DENND5B: variants seen among roughly 807,000 people sequenced by gnomAD.
The protein encoded by DENND5B is DENN domain-containing protein 5B.
Under a neutral mutation model 140.6 loss-of-function variants are expected in DENND5B, and 34 were observed. The observed-to-expected ratio is 0.24, with a 90% CI of 0.18 to 0.32. The LOEUF (loss-of-function observed/expected upper bound fraction) is 0.32. Among genes scored for constraint, DENND5B ranks in the 10% least tolerant of loss-of-function variants. The pLI is 1.00. For missense variants in DENND5B, 1,142 were observed against 1,560.2 expected, an observed-to-expected ratio of 0.73 and a Z score of 4.52; for synonymous variants, 551 against 562.1, an observed-to-expected ratio of 0.98 and a Z score of 0.28.
chr12:31,406,840 C>G (rs1485990780), intron 14 of DENND5B, among the ~76,000 whole-genome samples: 2 of 152,288 alleles, frequency 1.3e-5, no homozygotes, highest in East Asian at 3.9e-4. Context: ...CAACCTGTCA[C>G]CCAGGCTGGA....
At chr12:31,516,477 C>CA (rs58069719) in intron 1 of DENND5B, among the ~76,000 whole-genome samples, 1,840 of 68,274 alleles carry the variant, frequency 0.027, 44 homozygotes, top group African/African-American at 0.059. Context: ...GACCCTGTCT[C>CA]AAAAAAAAAA....
chr12:31,428,941 C>A (rs1467608750), intron 8 of DENND5B, among the ~76,000 whole-genome samples: 2 of 152,146 alleles, frequency 1.3e-5, no homozygotes, highest in African/African-American at 4.8e-5. Flanking sequence ...CTGTGTTAGC[C>A]AGGATGGTCT....
intron 1 of DENND5B, among the ~76,000 whole-genome samples, chr12:31,498,124 T>C (rs1174711407): frequency 6.6e-6 from 1 of 152,178 alleles, no homozygotes; most frequent in African/African-American, 2.4e-5. Flanking sequence ...AACTTCATGA[T>C]AGCCATCAAG....
At chr12:31,390,871 A>G (rs980941661) in intron 19 of DENND5B, among the ~76,000 whole-genome samples, 2 of 151,104 alleles carry the variant, frequency 1.3e-5, no homozygotes, top group African/African-American at 4.9e-5. Flanking sequence ...AAAAATACAA[A>G]AATTAGGGGT....
chr12:31,590,179 C>CCGCCCCGCGCT (rs1565726658), intron 1 of DENND5B: 1 of 152,296 alleles, frequency 6.6e-6, no homozygotes, highest in African/African-American at 2.4e-5. Context: ...CGACCGGTCC[C>CCGCCCCGCGCT]CGCCCCGCGC....
chr12:31,415,264 C>A, intron 12 of DENND5B, 103 bp downstream of exon 12: 3 of 864,610 alleles, frequency 3.5e-6, no homozygotes, highest in Non-Finnish European at 1.7e-6. Flanking sequence ...AATACATAAG[C>A]CAAAAATAAA....
intron 1 of DENND5B, among the ~76,000 whole-genome samples, chr12:31,505,466 A>G (rs1947163648): frequency 6.6e-6 from 1 of 151,988 alleles, no homozygotes; most frequent in Non-Finnish European, 1.5e-5. Flanking sequence ...CAAACTCCTG[A>G]CCTCAGATGA....
At chr12:31,467,762 T>C (rs562793860) in intron 3 of DENND5B, among the ~76,000 whole-genome samples, 2 of 152,246 alleles carry the variant, frequency 1.3e-5, no homozygotes, top group Non-Finnish European at 2.9e-5. Context: ...AAGCATTTTA[T>C]AGTTATCTGT....
chr12:31,573,267 C>T (rs916365950), intron 1 of DENND5B, among the ~76,000 whole-genome samples: 2 of 152,150 alleles, frequency 1.3e-5, no homozygotes, highest in Non-Finnish European at 2.9e-5. Context: ...AAATAATATA[C>T]TTTTAAGAGC....
chr12:31,517,753 A>T lies in DENND5B; in HGVS notation c.128-21834T>A, dbSNP rs149331239. On this transcript the variant is annotated intron_variant, in intron 1 of 20. Coordinates refer to ENST00000389082, the MANE Select transcript of DENND5B (RefSeq NM_144973.4). The stretch of plus-strand genomic sequence containing the variant: ...GGTCAGGGAGGAGAAAGTGACAGAG[A>T]TCAAGTTCAGAAGTCCTTGAATCCA... Among the ~76,000 whole-genome samples, 233 of 152,310 alleles carry T rather than the reference A, an allele frequency of 1.5e-3. 1 individual carries two copies. Among genetic ancestry groups the T allele is most frequent in the African/African-American group, 5.5e-3 (227 of 41,580 alleles).
chr12:31,489,802 C>T (rs1464760828), intron 2 of DENND5B, among the ~76,000 whole-genome samples: 3 of 152,046 alleles, frequency 2.0e-5, no homozygotes, highest in South Asian at 2.1e-4. Flanking sequence ...GCTGGGAAGA[C>T]GGTGGAAGGT....
chr12:31,447,883 G>A, intron 5 of DENND5B, 114 bp from the exon 6 acceptor site: 6 of 782,356 alleles, frequency 7.7e-6, no homozygotes, highest in Non-Finnish European at 1.2e-5. Flanking sequence ...TTATAAAACT[G>A]ACACTTGAAA....
chr12:31,525,311 G>T (rs1489743172), intron 1 of DENND5B, among the ~76,000 whole-genome samples: 1 of 152,168 alleles, frequency 6.6e-6, no homozygotes, highest in Non-Finnish European at 1.5e-5. Flanking sequence ...ACTGATGAAT[G>T]AAAAACTAAA....
At chr12:31,585,105 G>A (rs978147498) in intron 1 of DENND5B, among the ~76,000 whole-genome samples, 3 of 152,082 alleles carry the variant, frequency 2.0e-5, no homozygotes, top group African/African-American at 2.4e-5. Flanking sequence ...AGCCATTAAC[G>A]AGGGATCTGC....
chr12:31,496,000 T>A, intron 1 of DENND5B, 81 bp from the exon 2 acceptor site: 1 of 928,204 alleles, frequency 1.1e-6, no homozygotes, highest in Non-Finnish European at 1.6e-6. Flanking sequence ...ATAGTCCTAC[T>A]ACTGACTGAT....
At chr12:31,576,692 G>C (rs1950029187) in intron 1 of DENND5B, among the ~76,000 whole-genome samples, 1 of 151,716 alleles carries the variant, frequency 6.6e-6, no homozygotes, top group Admixed American at 6.6e-5. Context: ...AGACCAGCTT[G>C]AGCAATAAAG....
chr12:31,539,556 T>C (rs4930981), intron 1 of DENND5B, among the ~76,000 whole-genome samples: 20,408 of 152,176 alleles, frequency 0.13, 1,618 homozygotes, highest in Non-Finnish European at 0.18. Context: ...ATCCCAGGGA[T>C]GCAAGGATAG....
At chr12:31,414,940 CCT>C (rs1387491173) in intron 12 of DENND5B, among the ~76,000 whole-genome samples, 5 of 149,810 alleles carry the variant, frequency 3.3e-5, no homozygotes, top group African/African-American at 4.9e-5. Context: ...AAAAAAAGCC[CCT>C]GTCTCTACTA....
At chr12:31,405,056 G>T (rs879359681) in intron 14 of DENND5B, among the ~76,000 whole-genome samples, 1 of 151,422 alleles carries the variant, frequency 6.6e-6, no homozygotes, top group African/African-American at 2.4e-5. Flanking sequence ...CACCGTGCCC[G>T]GCCCCTAGCT....
Sources: gnomAD v4.1 joint callset for allele counts (sites outside exome capture counted in the v4.1 genomes callset) on GRCh38, gnomAD v4.1.1 for gene constraint, MANE v1.5 for transcripts, NCBI Gene and HGNC (gene_info 2026-07-23, HGNC 2026-07-21) for gene names.